The following GLP2R variants were observed in gnomAD, a reference collection of about 807,000 sequenced individuals.
The protein encoded by GLP2R is glucagon like peptide 2 receptor, also known as glucagon-like peptide 2 receptor.
GLP2R carries 59 observed loss-of-function variants against 68.2 expected under a neutral mutation model. That is an observed-to-expected ratio of 0.87 (90% CI 0.70 to 1.07). The LOEUF is 1.07. Among genes scored for constraint, GLP2R ranks in the 50% least tolerant of loss-of-function variants. GLP2R has a pLI of 0.00. For synonymous variants in GLP2R, 270 were observed against 265.4 expected, an observed-to-expected ratio of 1.02 and a Z score of -0.17; for missense variants, 548 against 677.4, an observed-to-expected ratio of 0.81 and a Z score of 2.12.
rs1175140330 is a variant in GLP2R at position 9,891,553 on chromosome 17, G to A, written c.*1848G>A. 1 of 152,112 alleles carries A rather than the reference G, an allele frequency of 6.6e-6. No individual in the cohort carries two copies. Among genetic ancestry groups the A allele is most frequent in the Non-Finnish European group, 1.5e-5 (1 of 68,030 alleles). 9.4% of individuals were successfully genotyped at this position (152,112 alleles called of 1,614,324 possible). A position where few individuals can be genotyped will look rare whatever the true frequency, so the allele number is the denominator to read the frequency against. The stretch of plus-strand genomic sequence containing the variant: ...TGTGAATTTTTATTTTTAGACAATT[G>A]CATTAAAATGTTATTTATATTGACT... On this transcript the variant is annotated 3_prime_UTR_variant, in exon 13 of 13. Coordinates refer to ENST00000262441, the MANE Select transcript of GLP2R (RefSeq NM_004246.3).
chr17:9,880,233 C>T (rs965909259), intron 10 of GLP2R, 145 bp from the exon 11 acceptor site: 3 of 616,350 alleles, frequency 4.9e-6, no homozygotes, highest in Admixed American at 2.6e-5. Flanking sequence ...GGCCCTGAAG[C>T]GTTAAATGTT....
intron 10 of GLP2R, among the ~76,000 whole-genome samples, chr17:9,875,720 A>G (rs576815476): frequency 2.2e-4 from 33 of 152,290 alleles, no homozygotes; most frequent in Admixed American, 5.9e-4. Flanking sequence ...AGGAATGCGG[A>G]CAGAGTTCAG....
chr17:9,829,823 G>A (rs2066664503), intron 1 of GLP2R, among the ~76,000 whole-genome samples: 1 of 152,164 alleles, frequency 6.6e-6, no homozygotes, highest in Admixed American at 6.5e-5. Flanking sequence ...GCATAGCTGT[G>A]ATTTCTATTT....
intron 11 of GLP2R, among the ~76,000 whole-genome samples, chr17:9,886,615 T>C (rs1380404941): frequency 6.6e-6 from 1 of 152,196 alleles, no homozygotes; most frequent in Admixed American, 6.5e-5. Context: ...GCCCCTGTTA[T>C]GGAAGCTATA....
intron 2 of GLP2R, among the ~76,000 whole-genome samples, chr17:9,835,316 G>T (rs550518418): frequency 6.6e-6 from 1 of 152,132 alleles, no homozygotes; most frequent in Non-Finnish European, 1.5e-5. Context: ...GGTGGGGAAT[G>T]ATGCTTGGCT....
At chr17:9,826,377 G>T (rs2066630143) in intron 1 of GLP2R, 125 bp downstream of exon 1, 2 of 640,088 alleles carry the variant, frequency 3.1e-6, no homozygotes, top group Non-Finnish European at 5.1e-6. Flanking sequence ...ATAATGAGCC[G>T]CCATAATCCT....
chr17:9,826,297 G>A lies in GLP2R; in HGVS notation c.189+45G>A, dbSNP rs766160074. On this transcript the variant is annotated intron_variant, in intron 1 of 12. Coordinates refer to ENST00000262441, the MANE Select transcript of GLP2R (RefSeq NM_004246.3). ...ATTATTATTATCAGTTGTATTTCCT[G>A]ATTTTTTTTTAAAGAAGCAATTTAG... The A allele has an allele frequency of 2.7e-5, 38 of 1,430,008 alleles. No individual in the cohort carries two copies. The South Asian group carries it at 3.6e-4, about 14-fold the overall frequency. The allele number at this position is 1,430,008 out of a possible 1,614,324, so 88.6% of individuals were successfully genotyped here.
intron 3 of GLP2R, among the ~76,000 whole-genome samples, chr17:9,839,465 C>T (rs2066764482): frequency 6.6e-6 from 1 of 152,076 alleles, no homozygotes; most frequent in South Asian, 2.1e-4. Context: ...TCCACCTGGC[C>T]CCACCCAAGC....
chr17:9,879,875 C>T lies in GLP2R; in HGVS notation c.1146-503C>T, dbSNP rs146465549. ...CGGAACTGCAGGTCAGATGCCCCCA[C>T]ATCCAGCCCGAGGTTTACTACTTAG... On this transcript the variant is annotated intron_variant, in intron 10 of 12. Transcript: ENST00000262441. Among the ~76,000 whole-genome samples, 614 of 152,310 alleles carry T rather than the reference C, an allele frequency of 4.0e-3. 21 individuals carry two copies. The highest frequency in any genetic ancestry group is 0.038 in the Admixed American group (576 of 15,294).
intron 11 of GLP2R, 38 bp from the exon 12 acceptor site, chr17:9,887,893 CG>C: frequency 6.5e-7 from 1 of 1,535,558 alleles, no homozygotes; most frequent in Non-Finnish European, 9.0e-7. Flanking sequence ...ACATCTTCTC[CG>C]GAGTCAGATT....
intron 11 of GLP2R, among the ~76,000 whole-genome samples, chr17:9,885,216 T>G (rs962830307): frequency 6.6e-6 from 1 of 150,722 alleles, no homozygotes; most frequent in Non-Finnish European, 1.5e-5. Flanking sequence ...TGAGATGGAG[T>G]TTTGCTCTTG....
At chr17:9,861,561 C>T (rs1326850909) in intron 8 of GLP2R, among the ~76,000 whole-genome samples, 1 of 152,036 alleles carries the variant, frequency 6.6e-6, no homozygotes, top group African/African-American at 2.4e-5. Flanking sequence ...ATTGAACAAA[C>T]TGTAATATAC....
rs1466230705 is a variant in GLP2R at position 9,870,804 on chromosome 17, C to T, written c.1114C>T (p.His372Tyr). ...GCTTCTCATTTCTAAGCTCAAAGCT[C>T]ATCAAATGTGCTTCAGAGATTATAA... ...LKLLISKLKA[H>Y]QMCFRDYKYR... The change falls in exon 10 of 13, where the codon CAT (histidine) becomes TAT (tyrosine). Residue 372 changes from histidine to tyrosine, a missense_variant. His to Tyr is a moderately conservative substitution (Grantham distance 83). Coordinates refer to ENST00000262441, the MANE Select transcript of GLP2R (RefSeq NM_004246.3). 1.3e-6 allele frequency: 2 copies of T among 1,571,272 alleles called. No homozygotes were observed. Among genetic ancestry groups the T allele is most frequent in the Non-Finnish European group, 1.8e-6 (2 of 1,141,010 alleles).
chr17:9,843,756 T>C (rs1442914440), intron 4 of GLP2R, among the ~76,000 whole-genome samples: 1 of 152,202 alleles, frequency 6.6e-6, no homozygotes, highest in Non-Finnish European at 1.5e-5. Context: ...GGAACAGGTG[T>C]TTGGGGATCA....
chr17:9,863,032 C>A (rs561814910), intron 9 of GLP2R, among the ~76,000 whole-genome samples: 3 of 152,114 alleles, frequency 2.0e-5, no homozygotes, highest in African/African-American at 7.2e-5. Flanking sequence ...GTGGGAAAAC[C>A]GAGAGTGTGG....
chr17:9,828,331 A>G (rs866706357), intron 1 of GLP2R, among the ~76,000 whole-genome samples: 4 of 151,994 alleles, frequency 2.6e-5, no homozygotes, highest in Middle Eastern at 3.2e-3. Flanking sequence ...CAGGACTTCA[A>G]TGTGTTAGTG....
intron 6 of GLP2R, 108 bp downstream of exon 6, chr17:9,857,684 G>T: frequency 9.4e-7 from 1 of 1,064,880 alleles, no homozygotes; most frequent in Non-Finnish European, 1.4e-6. Context: ...GAGATAAGAG[G>T]GTTTCCAAGA....
chr17:9,835,696 C>A (rs60292630), intron 2 of GLP2R, among the ~76,000 whole-genome samples: 1 of 151,954 alleles, frequency 6.6e-6, no homozygotes, highest in African/African-American at 2.4e-5. Flanking sequence ...ACATAAGGCA[C>A]TGGCTCAGCC....
In GLP2R at chr17:9,891,979, G is replaced by C. The variant is rs1341225075; in HGVS notation, c.*2274G>C. 1 of 152,172 alleles carries C rather than the reference G, an allele frequency of 6.6e-6. No individual in the cohort carries two copies. Among genetic ancestry groups the C allele is most frequent in the Non-Finnish European group, 1.5e-5 (1 of 68,024 alleles). The allele number at this position is 152,172 out of a possible 1,614,324, so 9.4% of individuals were successfully genotyped here. On this transcript the variant is annotated 3_prime_UTR_variant, in exon 13 of 13. Transcript: ENST00000262441. ...AAGTGATCCAGGACCTTACCGCTAA[G>C]AGGAGAAACTTTTTTTCAAAGCATT...
Sources: gnomAD v4.1 joint callset for allele counts (sites outside exome capture counted in the v4.1 genomes callset) on GRCh38, gnomAD v4.1.1 for gene constraint, MANE v1.5 for transcripts, NCBI Gene and HGNC (gene_info 2026-07-23, HGNC 2026-07-21) for gene names.